HERPUD1: variants seen among roughly 807,000 people sequenced by gnomAD.
HERPUD1 encodes the protein homocysteine inducible ER protein with ubiquitin like domain 1.
A neutral mutation model predicts 45.0 loss-of-function variants in HERPUD1; 17 were observed. The observed-to-expected ratio is 0.38, with a 90% CI of 0.26 to 0.57. HERPUD1 has a LOEUF of 0.57. Among genes scored for constraint, HERPUD1 ranks in the 20% least tolerant of loss-of-function variants. The pLI is 0.72. For missense variants in HERPUD1, 420 were observed against 490.5 expected, an observed-to-expected ratio of 0.86 and a Z score of 1.36; for synonymous variants, 164 against 177.5, an observed-to-expected ratio of 0.92 and a Z score of 0.61.
intron 1 of HERPUD1, 100 bp from the exon 2 acceptor site, chr16:56,935,133 AAC>A: frequency 1.3e-6 from 1 of 767,430 alleles, no homozygotes; most frequent in Admixed American, 2.2e-5. Context: ...GCTGGGGGGA[AAC>A]ACACATATTC....
intron 7 of HERPUD1, 87 bp from the exon 8 acceptor site, chr16:56,943,039 C>T: frequency 7.2e-7 from 1 of 1,396,822 alleles, no homozygotes; most frequent in East Asian, 2.3e-5. Flanking sequence ...GGGATTTACC[C>T]TGCCCTTTCC....
rs757629075 is a variant in HERPUD1, at chr16:56,939,251, A to G, written c.446A>G (p.Gln149Arg). Residue 149 changes from glutamine (Q) to arginine (R), a missense_variant, in exon 5 of 8, where the codon CAG becomes CGG. Gln to Arg is a conservative substitution (Grantham distance 43, BLOSUM62 1). Transcript: ENST00000439977. ...WENISRPEAA[Q>R]QAFQGLGPGF... ...TCTATGTATAGGCCTGAAGCTGCCC[A>G]GCAGGCATTCCAAGGCCTGGGTCCT... 1 of 1,614,220 alleles carries G rather than the reference A, an allele frequency of 6.2e-7. No individual in the cohort carries two copies. Among genetic ancestry groups the G allele is most frequent in the Admixed American group, 1.7e-5 (1 of 60,028 alleles).
In HERPUD1 at chr16:56,943,353, C is replaced by A; in HGVS notation, c.*63C>A. ...AATGGACTGGATCACCTGACTCCAGCTAGATTGCCTCTCCTGGACATGGCA... is the reference window on the plus strand; with the variant it reads ...AATGGACTGGATCACCTGACTCCAGATAGATTGCCTCTCCTGGACATGGCA... On this transcript the variant is annotated 3_prime_UTR_variant, in exon 8 of 8. Transcript: ENST00000439977. 6.4e-7 allele frequency: 1 copy of A among 1,559,352 alleles called. No homozygotes were observed.
At chr16:56,939,462 T>C in intron 5 of HERPUD1, 103 bp downstream of exon 5, 1 of 1,430,206 alleles carries the variant, frequency 7.0e-7, no homozygotes, top group Non-Finnish European at 9.7e-7. Context: ...ATGAGTGTAT[T>C]TTCATCAGTC....
chr16:56,943,056 T>C, intron 7 of HERPUD1, 70 bp from the exon 8 acceptor site: 2 of 1,491,928 alleles, frequency 1.3e-6, no homozygotes, highest in Non-Finnish European at 9.3e-7. Context: ...TTCCTAACAT[T>C]ATTTGGTGTT....
In HERPUD1 at chr16:56,939,194, C is replaced by T. The variant is rs750203368; in HGVS notation, c.432-43C>T. Reference sequence around the variant, plus strand: ...TAAACTTAGTTTTCATTTGTTCATACTCAACCCACTCAAAATGAGTGTTTT... The same window carrying T: ...TAAACTTAGTTTTCATTTGTTCATATTCAACCCACTCAAAATGAGTGTTTT... On this transcript the variant is annotated intron_variant, in intron 4 of 7. Coordinates refer to ENST00000439977, the MANE Select transcript of HERPUD1 (RefSeq NM_014685.4). 9 of 1,602,860 alleles carry T rather than the reference C, an allele frequency of 5.6e-6. No homozygotes were observed. The African/African-American group carries it at 9.4e-5, about 17-fold the overall frequency.
At chr16:56,935,645 AGT>A in intron 3 of HERPUD1, 170 bp downstream of exon 3, 2 of 621,844 alleles carry the variant, frequency 3.2e-6, no homozygotes, top group Non-Finnish European at 5.7e-6. Flanking sequence ...CAAAGTGATG[AGT>A]TAATAGTAGC....
Position 56,939,364 on chromosome 16 carries a change from G to A in HERPUD1, c.554+5G>A. On this transcript the variant is annotated splice_donor_5th_base_variant and intron_variant, in intron 5 of 7. Coordinates refer to ENST00000439977, the MANE Select transcript of HERPUD1 (RefSeq NM_014685.4). ...ACGACAGTACTACATGCAATAGTGAGTCCTTCCCGCCATGCTGGGTGTGGC... is the reference window on the plus strand; with the variant it reads ...ACGACAGTACTACATGCAATAGTGAATCCTTCCCGCCATGCTGGGTGTGGC... The A allele has an allele frequency of 6.2e-7, 1 of 1,614,062 alleles. No homozygotes were observed. Among genetic ancestry groups the A allele is most frequent in the Non-Finnish European group, 8.5e-7 (1 of 1,179,998 alleles).
chr16:56,943,268 GC>G lies in HERPUD1; in HGVS notation c.1160del (p.Pro387GlnfsTer40). On this transcript the variant is annotated frameshift_variant, in exon 8 of 8. Transcript: ENST00000439977. LOFTEE classifies it high-confidence loss of function. ...KTFFASLLPE[G>X]PPAIAN ...TTCTTTGCCTCTCTTCTTCCAGAAG[GC>G]CCCCCAGCCATCGCAAACTGATGGT... 3 of 1,614,070 alleles carry G rather than the reference GC, an allele frequency of 1.9e-6. No individual in the cohort carries two copies. The highest frequency in any genetic ancestry group is 2.5e-6 in the Non-Finnish European group (3 of 1,180,022).
chr16:56,939,108 C>A, intron 4 of HERPUD1, 129 bp from the exon 5 acceptor site: 4 of 994,074 alleles, frequency 4.0e-6, no homozygotes, highest in South Asian at 3.1e-5. Flanking sequence ...CAGTCATTTA[C>A]CATGTAACTG....
chr16:56,934,790 C>A (rs758353350), intron 1 of HERPUD1, among the ~76,000 whole-genome samples: 1 of 140,284 alleles, frequency 7.1e-6, no homozygotes, highest in Non-Finnish European at 1.5e-5. Flanking sequence ...TGGCTCACTG[C>A]AACCTCTGCC....
Position 56,939,344 on chromosome 16 carries a change from A to G in HERPUD1, c.539A>G (p.Gln180Arg), listed in dbSNP as rs1422157800. The G allele has an allele frequency of 1.2e-6, 2 of 1,614,114 alleles. No individual in the cohort carries two copies. Among genetic ancestry groups the G allele is most frequent in the Middle Eastern group, 1.6e-4 (1 of 6,084 alleles). The change falls in exon 5 of 8, where the codon CAG becomes CGG. Residue 180 changes from glutamine to arginine, a missense_variant. By Grantham distance (43) the Gln-to-Arg change is conservative. Coordinates refer to ENST00000439977, the MANE Select transcript of HERPUD1 (RefSeq NM_014685.4). ...LSWFQQIYARQYYMQYLAATA... is the reference protein window; with the variant it reads ...LSWFQQIYARRYYMQYLAATA... ...TGGTTCCAGCAGATATATGCACGAC[A>G]GTACTACATGCAATAGTGAGTCCTT... is the stretch of plus-strand genomic sequence containing the variant.
rs1242559232 is a variant in HERPUD1 at position 56,936,858 on chromosome 16, T to C, written c.431+41T>C. ...AAGATCTTGGCTTATGCAACATGAA[T>C]GTTCCTCGTTTGCATCAATTTAAGA... On this transcript the variant is annotated intron_variant, in intron 4 of 7. Transcript: ENST00000439977. 2.5e-6 allele frequency: 4 copies of C among 1,602,400 alleles called. No homozygotes were observed. In the African/African-American group the frequency reaches 5.4e-5, roughly 21 times the overall value.
chr16:56,936,420 C>T (rs192389067), intron 3 of HERPUD1: 14 of 220,716 alleles, frequency 6.3e-5, no homozygotes, highest in Admixed American at 6.2e-4. Context: ...GAAGCTTTCT[C>T]ACCAATGACA....
At chr16:56,932,846 C>CA (rs1190752860) in intron 1 of HERPUD1, among the ~76,000 whole-genome samples, 1 of 152,228 alleles carries the variant, frequency 6.6e-6, no homozygotes, top group African/African-American at 2.4e-5. Context: ...CACCCAGAAG[C>CA]AGGACGTGGC....
chr16:56,939,545 C>G (rs2055893246), intron 5 of HERPUD1, among the ~76,000 whole-genome samples, 186 bp downstream of exon 5: 1 of 152,226 alleles, frequency 6.6e-6, no homozygotes, highest in East Asian at 1.9e-4. Context: ...TGTATTGACA[C>G]AAGGGTGCTT....
chr16:56,934,699 A>ATTTT (rs1257594998), intron 1 of HERPUD1, among the ~76,000 whole-genome samples: 4 of 73,098 alleles, frequency 5.5e-5, no homozygotes, highest in African/African-American at 1.7e-4. Context: ...ATAATTTGCC[A>ATTTT]TTCTTTTTTT....
chr16:56,941,959 CTT>C (rs1567461909), intron 6 of HERPUD1, 171 bp from the exon 7 acceptor site: 4 of 587,202 alleles, frequency 6.8e-6, no homozygotes, highest in Non-Finnish European at 1.2e-5. Flanking sequence ...CTTCAAGGAC[CTT>C]ACAGACTGGT....
Position 56,942,227 on chromosome 16 carries a change from A to G in HERPUD1, c.1001A>G (p.Asn334Ser), listed in dbSNP as rs2055915982. The G allele has an allele frequency of 2.5e-6, 4 of 1,613,112 alleles. No homozygotes were observed. The highest frequency in any genetic ancestry group is 3.4e-6 in the Non-Finnish European group (4 of 1,179,066). ...GACGTTGTAAATCAGGACCCCAACA[A>G]TAACTTACAGGTATGGAGCCTCCCA... ...PPDVVNQDPN[N>S]NLQEGTDPET... The change falls in exon 7 of 8, where the codon AAT becomes AGT. Residue 334 changes from asparagine to serine, a missense_variant. Asn to Ser is a conservative substitution (Grantham distance 46). Coordinates refer to ENST00000439977, the MANE Select transcript of HERPUD1 (RefSeq NM_014685.4).
Sources: allele counts gnomAD v4.1 joint callset (sites outside exome capture counted in the v4.1 genomes callset), GRCh38; gene constraint gnomAD v4.1.1; transcripts MANE v1.5; gene names NCBI Gene and HGNC (gene_info 2026-07-23, HGNC 2026-07-21).